Variants in AGMO observed in about 807,000 individuals in gnomAD.
The protein encoded by AGMO is glyceryl-ether monooxygenase.
AGMO carries 75 observed loss-of-function variants against 60.2 expected under a neutral mutation model. The ratio of observed to expected loss-of-function variants is 1.25; its 90% CI spans 1.03 to 1.51. The LOEUF is 1.51. AGMO is among the 40% of genes most tolerant of loss of function. The probability of loss-of-function intolerance (pLI) is 0.00; values close to 1 mark genes in which losing one functional copy is unlikely to be tolerated. For missense variants in AGMO, 763 were observed against 525.5 expected (o/e 1.45, Z -4.42); for synonymous variants, 261 against 177.1 (o/e 1.47, Z -3.76).
intron 5 of AGMO, among the ~76,000 whole-genome samples, chr7:15,400,613 A>C (rs746078219): frequency 1.7e-4 from 26 of 152,148 alleles, no homozygotes; most frequent in Non-Finnish European, 3.5e-4. Context: ...GCAAAGCATG[A>C]GTCTGGAGCT....
In AGMO at chr7:15,220,070, A is replaced by G. The variant is rs116518145; in HGVS notation, c.1264-18711T>C. 1.2e-3 allele frequency among the ~76,000 whole-genome samples: 180 copies of G among 152,224 alleles called. 1 individual carries two copies. The highest frequency in any genetic ancestry group is 4.1e-3 in the African/African-American group (172 of 41,532). Reference sequence around the variant, plus strand: ...TGATACCTTGCTCATGGAATCTTCTATGATGTCCATTCTTTTATACAATAT... The same window carrying G: ...TGATACCTTGCTCATGGAATCTTCTGTGATGTCCATTCTTTTATACAATAT... On this transcript the variant is annotated intron_variant, in intron 12 of 12. Transcript: ENST00000342526.
At chr7:15,211,530 C>A (rs1781591151) in intron 12 of AGMO, among the ~76,000 whole-genome samples, 1 of 150,668 alleles carries the variant, frequency 6.6e-6, no homozygotes, top group African/African-American at 2.4e-5. Context: ...CTATTATGGA[C>A]CCTGTCCTTT....
At chr7:15,379,105 G>T (rs778237211) in intron 10 of AGMO, among the ~76,000 whole-genome samples, 4 of 151,984 alleles carry the variant, frequency 2.6e-5, no homozygotes, top group Non-Finnish European at 5.9e-5. Context: ...AGAATCTCTA[G>T]GACACAGCTA....
chr7:15,141,676 C>T, the AGMO span, among the ~76,000 whole-genome samples: 1 of 152,084 alleles, frequency 6.6e-6, no homozygotes, highest in African/African-American at 2.4e-5. Context: ...AAAGCAACTG[C>T]CTGAAATGGA....
At chr7:15,291,286 A>C (rs1426310144) in intron 12 of AGMO, among the ~76,000 whole-genome samples, 1 of 152,198 alleles carries the variant, frequency 6.6e-6, no homozygotes, top group Non-Finnish European at 1.5e-5. Context: ...TATATCGACA[A>C]AATTAATGCT....
intron 10 of AGMO, among the ~76,000 whole-genome samples, chr7:15,366,672 C>T (rs1166259560): frequency 6.6e-6 from 1 of 151,868 alleles, no homozygotes; most frequent in Non-Finnish European, 1.5e-5. Context: ...TGAGTGAAAA[C>T]ATATATATAA....
chr7:15,225,682 T>G (rs1447295656), intron 12 of AGMO, among the ~76,000 whole-genome samples: 2 of 151,950 alleles, frequency 1.3e-5, no homozygotes, highest in African/African-American at 2.4e-5. Context: ...TTATGATTGT[T>G]ACTCATGGCA....
intron 3 of AGMO, among the ~76,000 whole-genome samples, chr7:15,499,511 G>A (rs1295261802): frequency 6.6e-6 from 1 of 151,800 alleles, no homozygotes; most frequent in Non-Finnish European, 1.5e-5. Context: ...TTTTGGAGAA[G>A]TTGTGAGAAA....
intron 10 of AGMO, among the ~76,000 whole-genome samples, chr7:15,375,823 A>G (rs1005934313): frequency 6.6e-6 from 1 of 152,154 alleles, no homozygotes; most frequent in African/African-American, 2.4e-5. Context: ...AAGTGAGGTT[A>G]TGATTTAAAT....
At chr7:15,188,566 T>G in the AGMO span, among the ~76,000 whole-genome samples, 1 of 152,136 alleles carries the variant, frequency 6.6e-6, no homozygotes, top group African/African-American at 2.4e-5. Flanking sequence ...GTAGATGTGG[T>G]TAGTATAATG....
chr7:15,373,695 G>GA (rs1439206125), intron 10 of AGMO, among the ~76,000 whole-genome samples: 1 of 151,972 alleles, frequency 6.6e-6, no homozygotes, highest in African/African-American at 2.4e-5. Context: ...GTTTCCATAT[G>GA]AAAAAATTCT....
chr7:15,300,364 G>T (rs1784531893), intron 12 of AGMO, among the ~76,000 whole-genome samples: 1 of 152,120 alleles, frequency 6.6e-6, no homozygotes, highest in Non-Finnish European at 1.5e-5. Context: ...AACCAAATTT[G>T]GGTATGTTGA....
chr7:15,453,798 C>T (rs924053705), intron 3 of AGMO, among the ~76,000 whole-genome samples: 1 of 152,012 alleles, frequency 6.6e-6, no homozygotes, highest in Non-Finnish European at 1.5e-5. Context: ...AGGACACAGA[C>T]GTGGCTTCTC....
intron 12 of AGMO, among the ~76,000 whole-genome samples, chr7:15,251,672 A>AG (rs1782942227): frequency 6.6e-6 from 1 of 152,210 alleles, no homozygotes; most frequent in Non-Finnish European, 1.5e-5. Flanking sequence ...CTAGGACAGG[A>AG]ACCAGAGCTT....
At chr7:15,134,157 T>C in the AGMO span, among the ~76,000 whole-genome samples, 1 of 151,916 alleles carries the variant, frequency 6.6e-6, no homozygotes. Flanking sequence ...ACCTAATAGG[T>C]ATTTTATTTT....
intron 8 of AGMO, 60 bp downstream of exon 8, chr7:15,390,611 T>C (rs1325002758): frequency 2.7e-5 from 36 of 1,330,202 alleles, no homozygotes; most frequent in Non-Finnish European, 3.6e-5. Flanking sequence ...GATTTTTCTC[T>C]TAACTATAAG....
At chr7:15,526,909 A>C (rs997879825) in intron 3 of AGMO, among the ~76,000 whole-genome samples, 1 of 152,142 alleles carries the variant, frequency 6.6e-6, no homozygotes, top group East Asian at 1.9e-4. Flanking sequence ...ACCTATGACC[A>C]GTTACTATTA....
At chr7:15,351,578 T>TA (rs1428122216) in intron 12 of AGMO, among the ~76,000 whole-genome samples, 3 of 152,286 alleles carry the variant, frequency 2.0e-5, no homozygotes, top group African/African-American at 7.2e-5. Context: ...TCGTATCTTG[T>TA]AAAAAAGAAA....
At chr7:15,196,037 TCTCCCCTCCC>T (rs1368138851), downstream of AGMO, among the ~76,000 whole-genome samples, 3 of 151,228 alleles carry the variant, frequency 2.0e-5, no homozygotes, top group Non-Finnish European at 4.4e-5. Flanking sequence ...TTCCCCCTCC[TCTCCCCTCCC>T]CTCTCCTCTC....
Sources: allele counts gnomAD v4.1 joint callset (sites outside exome capture counted in the v4.1 genomes callset), GRCh38; gene constraint gnomAD v4.1.1; transcripts MANE v1.5; gene names NCBI Gene and HGNC (gene_info 2026-07-23, HGNC 2026-07-21).